Variants in ZNF41 observed in about 807,000 individuals in gnomAD.
The protein encoded by ZNF41 is zinc finger protein 41.
A neutral mutation model predicts 9.3 loss-of-function variants in ZNF41; 6 were observed. The observed-to-expected ratio is 0.65, with a 90% CI of 0.35 to 1.28. ZNF41 has a LOEUF of 1.28. Among genes scored for constraint, ZNF41 ranks in the 50% most tolerant of loss-of-function variants. The pLI is 0.03. For synonymous variants in ZNF41, 192 were observed against 207.1 expected (o/e 0.93, Z 0.63); for missense variants, 523 against 585.8 (o/e 0.89, Z 1.11).
intron 1 of ZNF41, chrX:47,476,687 G>C (rs1182949951): frequency 2.7e-5 from 3 of 110,762 alleles, no homozygotes; most frequent in African/African-American, 9.8e-5. Context: ...TGATAAACTG[G>C]AACCCTCATA....
chrX:47,474,918 T>G lies in ZNF41; in HGVS notation c.-279-7158A>C, dbSNP rs771757043. Among the ~76,000 whole-genome samples the G allele has an allele frequency of 1.1e-4, 11 of 102,816 alleles. No individual in the cohort carries two copies. In the South Asian group the frequency reaches 1.4e-3, roughly 13 times the overall value. 89.3% of individuals were successfully genotyped at this position (102,816 alleles called of 115,157 possible). On this transcript the variant is annotated intron_variant, in intron 1 of 4. Transcript: ENST00000684689. ...AGAGTAGGCCGGGCACAGTTGCTCA[T>G]GCCTGTAATCCCAGCACTTTGGGAG...
In ZNF41 at chrX:47,446,884, T is replaced by C. The variant is rs892059649; in HGVS notation, c.*546A>G. 1 of 113,230 alleles carries C rather than the reference T, an allele frequency of 8.8e-6. No individual in the cohort carries two copies. Among genetic ancestry groups the C allele is most frequent in the Non-Finnish European group, 1.8e-5 (1 of 54,252 alleles). 9.3% of individuals were successfully genotyped at this position (113,230 alleles called of 1,213,427 possible). On this transcript the variant is annotated 3_prime_UTR_variant, in exon 5 of 5. Coordinates refer to ENST00000684689, the MANE Select transcript of ZNF41 (RefSeq NM_001324144.2). ...ATGGAAATCTTTTCTATGTCTTAAG[T>C]GCCAATGATCACAAAAACAGATATC...
rs2056109971 is a variant in ZNF41 at position 47,446,241 on chromosome X, T to G, written c.*1189A>C. 8.9e-6 allele frequency: 1 copy of G among 111,795 alleles called. No homozygotes were observed. Among genetic ancestry groups the G allele is most frequent in the African/African-American group, 3.2e-5 (1 of 30,811 alleles). 9.2% of individuals were successfully genotyped at this position (111,795 alleles called of 1,213,427 possible). The stretch of plus-strand genomic sequence containing the variant: ...TGAGAACGTGTCTATATATCAGTGT[T>G]AAAAAAGAGCAGTGCTCTTTCTTGA... On this transcript the variant is annotated 3_prime_UTR_variant, in exon 5 of 5. Transcript: ENST00000684689.
intron 2 of ZNF41, among the ~76,000 whole-genome samples, chrX:47,464,495 G>A (rs1033107772): frequency 9.0e-6 from 1 of 111,200 alleles, no homozygotes; most frequent in African/African-American, 3.3e-5. Context: ...CCTATACCCC[G>A]CTCCCTGATG....
chrX:47,460,105 C>G (rs1470766906), intron 2 of ZNF41, among the ~76,000 whole-genome samples: 1 of 110,971 alleles, frequency 9.0e-6, no homozygotes, highest in African/African-American at 3.3e-5. Context: ...ATATATAGCA[C>G]ACATATAAAA....
rs745341010 is a variant in ZNF41 at position 47,445,577 on chromosome X, T to C, written c.*1853A>G. ...CATACTGGGTTGGTGGGAGTGTACA[T>C]TGGTACAACCACTTGAAAACTGGTT... On this transcript the variant is annotated 3_prime_UTR_variant, in exon 5 of 5. Coordinates refer to ENST00000684689, the MANE Select transcript of ZNF41 (RefSeq NM_001324144.2). 8.9e-6 allele frequency among the ~76,000 whole-genome samples: 1 copy of C among 112,448 alleles called. No individual in the cohort carries two copies. Among genetic ancestry groups the C allele is most frequent in the Non-Finnish European group, 1.9e-5 (1 of 53,300 alleles).
At chrX:47,474,714 C>A (rs2057285774) in intron 1 of ZNF41, among the ~76,000 whole-genome samples, 1 of 106,058 alleles carries the variant, frequency 9.4e-6, no homozygotes, top group Non-Finnish European at 1.9e-5. Context: ...CCCATCTCTA[C>A]AAAAAATTTA....
intron 1 of ZNF41, among the ~76,000 whole-genome samples, chrX:47,481,374 C>T (rs1205464219): frequency 2.7e-5 from 3 of 111,991 alleles, no homozygotes; most frequent in Non-Finnish European, 5.6e-5. Context: ...GAGGTTGAGG[C>T]TGCAATGAGC....
chrX:47,446,187 G>C lies in ZNF41; in HGVS notation c.*1243C>G, dbSNP rs888187743. 1 of 111,636 alleles carries C rather than the reference G, an allele frequency of 9.0e-6. No homozygotes were observed. The highest frequency in any genetic ancestry group is 3.3e-5 in the African/African-American group (1 of 30,767). The allele number at this position is 111,636 out of a possible 1,213,427, so 9.2% of individuals were successfully genotyped here. A position where few individuals can be genotyped will look rare whatever the true frequency, so the allele number is the denominator to read the frequency against. On this transcript the variant is annotated 3_prime_UTR_variant, in exon 5 of 5. Coordinates refer to ENST00000684689, the MANE Select transcript of ZNF41 (RefSeq NM_001324144.2). ...TGCTAGAAAGAAAGTTCCTTTTTATGAGTATTGTAAAAAATGTTTAAGGGA... is the reference window on the plus strand; with the variant it reads ...TGCTAGAAAGAAAGTTCCTTTTTATCAGTATTGTAAAAAATGTTTAAGGGA...
rs182989871 is a variant in ZNF41 at position 47,466,432 on chromosome X, G to C, written c.72+978C>G. ...CCTGATCTCAGCTGTGGTGCGGTGAGGGTGGAAGACACAGTCAGGAGACCT... is the reference window on the plus strand; with the variant it reads ...CCTGATCTCAGCTGTGGTGCGGTGACGGTGGAAGACACAGTCAGGAGACCT... On this transcript the variant is annotated intron_variant, in intron 2 of 4. Coordinates refer to ENST00000684689, the MANE Select transcript of ZNF41 (RefSeq NM_001324144.2). 6.2e-3 allele frequency among the ~76,000 whole-genome samples: 692 copies of C among 111,433 alleles called. 1 individual carries two copies. The highest frequency in any genetic ancestry group is 9.9e-3 in the Admixed American group (103 of 10,417).
In ZNF41 at chrX:47,448,234, T is replaced by C; in HGVS notation, c.1536A>G (p.Thr512=). 3.3e-6 allele frequency: 4 copies of C among 1,211,920 alleles called. No individual in the cohort carries two copies. The highest frequency in any genetic ancestry group is 3.3e-6 in the Non-Finnish European group (3 of 895,559). Residue 512 remains threonine (T), a synonymous_variant, in exon 5 of 5, where the codon ACA becomes ACG. Coordinates refer to ENST00000684689, the MANE Select transcript of ZNF41 (RefSeq NM_001324144.2). ...KVFTHRTNLT[T]HQKTHTGEKP... is the part of the protein sequence containing the mutation. ...TTTCCCCAGTATGAGTTTTCTGATG[T>C]GTGGTGAGGTTTGTCCTGTGAGTGA...
chrX:47,462,948 CACACACACACACACACACATATGTGT>C (rs1279426236), intron 2 of ZNF41, among the ~76,000 whole-genome samples: 6 of 63,640 alleles, frequency 9.4e-5, no homozygotes, highest in South Asian at 9.5e-4. Flanking sequence ...TATATATATA[CACACACACACACACACACATATGTGT>C]ACACACACAC....
chrX:47,463,556 T>C (rs2056888937), intron 2 of ZNF41, among the ~76,000 whole-genome samples: 1 of 111,304 alleles, frequency 9.0e-6, no homozygotes, highest in African/African-American at 3.3e-5. Context: ...CTCTAGTCTC[T>C]CTAGCTGGCC....
chrX:47,457,126 C>T (rs142117208), intron 2 of ZNF41, among the ~76,000 whole-genome samples: 1 of 112,200 alleles, frequency 8.9e-6, no homozygotes, highest in African/African-American at 3.2e-5. Context: ...CAACATACAT[C>T]AGGCTGGGCA....
At chrX:47,466,157 C>T (rs1403562895) in intron 2 of ZNF41, among the ~76,000 whole-genome samples, 3 of 107,955 alleles carry the variant, frequency 2.8e-5, no homozygotes, top group Non-Finnish European at 5.7e-5. Context: ...TATTTGCTAA[C>T]GTATACTTTC....
intron 2 of ZNF41, among the ~76,000 whole-genome samples, chrX:47,457,016 C>T (rs781171420): frequency 8.9e-6 from 1 of 111,853 alleles, no homozygotes; most frequent in East Asian, 2.8e-4. Context: ...GATATACTAG[C>T]ATCAGAAAAA....
chrX:47,477,813 C>T (rs1178297261), intron 1 of ZNF41, among the ~76,000 whole-genome samples: 2 of 112,325 alleles, frequency 1.8e-5, no homozygotes, highest in Non-Finnish European at 3.8e-5. Context: ...AAATTTCTAC[C>T]TCACTCCTTA....
chrX:47,451,309 T>C (rs1413964574), intron 4 of ZNF41, among the ~76,000 whole-genome samples: 1 of 112,562 alleles, frequency 8.9e-6, no homozygotes, highest in Non-Finnish European at 1.9e-5. Flanking sequence ...ATTTTCTACA[T>C]GCTCCACTTC....
At chrX:47,479,877 A>G (rs144111495) in intron 1 of ZNF41, among the ~76,000 whole-genome samples, 2,272 of 111,694 alleles carry the variant, frequency 0.02, 49 homozygotes, top group African/African-American at 0.069. Flanking sequence ...CACGCAGATC[A>G]CGAGGTCAGG....
Sources: gnomAD v4.1 joint callset for allele counts (sites outside exome capture counted in the v4.1 genomes callset) on GRCh38, gnomAD v4.1.1 for gene constraint, MANE v1.5 for transcripts, NCBI Gene and HGNC (gene_info 2026-07-23, HGNC 2026-07-21) for gene names.